PIWIL2: variants seen among roughly 807,000 people sequenced by gnomAD.
PIWIL2 encodes the protein piwi-like protein 2.
In PIWIL2, 81 loss-of-function variants were observed where a neutral mutation model predicts 116.5. That is an observed-to-expected ratio of 0.70 (90% CI 0.58 to 0.84). The LOEUF is 0.84. PIWIL2 is among the 40% of genes least tolerant of loss of function. The pLI, the probability that PIWIL2 is intolerant of heterozygous loss-of-function variation, is 0.00. For missense variants in PIWIL2, 1,272 were observed against 1,212.3 expected (o/e 1.05, Z -0.73); for synonymous variants, 489 against 429.5 (o/e 1.14, Z -1.71).
intron 20 of PIWIL2, among the ~76,000 whole-genome samples, chr8:22,350,689 G>A (rs1832333205): frequency 6.6e-6 from 1 of 152,006 alleles, no homozygotes; most frequent in Non-Finnish European, 1.5e-5. Context: ...AGGCTTCTTA[G>A]GAAAAGGGGT....
At chr8:22,286,188 G>A (rs1251392324) in intron 6 of PIWIL2, among the ~76,000 whole-genome samples, 1 of 151,980 alleles carries the variant, frequency 6.6e-6, no homozygotes, top group African/African-American at 2.4e-5. Flanking sequence ...GCTTGTTGAG[G>A]GTGTTGTGAT....
At chr8:22,332,404 TAAAGA>T (rs1290635826) in intron 20 of PIWIL2, among the ~76,000 whole-genome samples, 1 of 152,050 alleles carries the variant, frequency 6.6e-6, no homozygotes, top group African/African-American at 2.4e-5. Context: ...AGAAGGAGGT[TAAAGA>T]AGGCAGAAAC....
In PIWIL2 at chr8:22,316,226, T is replaced by G; in HGVS notation, c.2209-19T>G. ...GCTCAGGTCTGGGGTTTGGTTTTTG[T>G]TTTTGTTTTCTAAACTAGAAACAGT... On this transcript the variant is annotated intron_variant, in intron 18 of 22. Coordinates refer to ENST00000356766, the MANE Select transcript of PIWIL2 (RefSeq NM_018068.5). 1.3e-6 allele frequency: 2 copies of G among 1,575,344 alleles called. No individual in the cohort carries two copies. Among genetic ancestry groups the G allele is most frequent in the Non-Finnish European group, 1.7e-6 (2 of 1,144,908 alleles).
At chr8:22,337,903 C>T (rs538938066) in intron 20 of PIWIL2, among the ~76,000 whole-genome samples, 2 of 151,892 alleles carry the variant, frequency 1.3e-5, no homozygotes, top group African/African-American at 4.8e-5. Flanking sequence ...AGACCAGCCT[C>T]GCCAACATGG....
intron 20 of PIWIL2, among the ~76,000 whole-genome samples, chr8:22,347,961 C>T (rs1832267963): frequency 6.6e-6 from 1 of 151,942 alleles, no homozygotes; most frequent in African/African-American, 2.4e-5. Context: ...GCGTCTGCCT[C>T]CCCTTTTTAA....
chr8:22,311,574 A>G (rs4266653), intron 16 of PIWIL2, among the ~76,000 whole-genome samples: 84,746 of 152,072 alleles, frequency 0.56, 24,348 homozygotes, highest in East Asian at 0.86. Context: ...TTCATTATCT[A>G]TAGAACATGT....
Position 22,310,018 on chromosome 8 carries a change from A to G in PIWIL2, c.1744A>G (p.Thr582Ala). The G allele has an allele frequency of 6.2e-7, 1 of 1,612,294 alleles. No individual in the cohort carries two copies. The highest frequency in any genetic ancestry group is 8.5e-7 in the Non-Finnish European group (1 of 1,178,312). The change falls in exon 15 of 23, where the codon ACA (threonine) becomes GCA (alanine). Residue 582 changes from threonine to alanine, a missense_variant. Physicochemically the swap from Thr to Ala is moderately conservative, Grantham distance 58. Coordinates refer to ENST00000356766, the MANE Select transcript of PIWIL2 (RefSeq NM_018068.5). ...RINLKNTSFI[T>A]SQELNWVKEV... is the part of the protein sequence containing the mutation. ...TAACTTAAAAAATACTTCGTTTATC[A>G]CATCTCAGGAACTAAACTGGGTTAA...
intron 1 of PIWIL2, among the ~76,000 whole-genome samples, chr8:22,278,379 G>T (rs1830425701): frequency 6.6e-6 from 1 of 152,120 alleles, no homozygotes; most frequent in Non-Finnish European, 1.5e-5. Flanking sequence ...AATTAGCTGG[G>T]TGTTGTGGTG....
intron 5 of PIWIL2, among the ~76,000 whole-genome samples, 169 bp from the exon 6 acceptor site, chr8:22,283,993 C>T (rs1329833040): frequency 6.6e-6 from 1 of 151,752 alleles, no homozygotes. Context: ...TGCCTTCTAG[C>T]CTTCAGAGCT....
At chr8:22,307,102 A>G (rs538337219) in intron 13 of PIWIL2, among the ~76,000 whole-genome samples, 2 of 152,350 alleles carry the variant, frequency 1.3e-5, no homozygotes, top group African/African-American at 4.8e-5. Flanking sequence ...TAGTGTTAGA[A>G]TGAATATGGT....
rs768714840 is a variant in PIWIL2 at position 22,316,317 on chromosome 8, G to A, written c.2281G>A (p.Val761Met). The change falls in exon 19 of 23, where the codon GTG becomes ATG. Residue 761 changes from valine (V) to methionine (M), a missense_variant. Val to Met is a conservative substitution (Grantham distance 21). Transcript: ENST00000356766. ...SRGMRSVVGFVASINLTLTKW... is the reference protein window; with the variant it reads ...SRGMRSVVGFMASINLTLTKW... ...AGGCATGCGCTCCGTGGTTGGCTTC[G>A]TGGCAAGCATCAATCTGTAAGTACT... 9.3e-6 allele frequency: 15 copies of A among 1,608,122 alleles called. No homozygotes were observed. The highest frequency in any genetic ancestry group is 3.3e-5 in the Admixed American group (2 of 59,976).
At chr8:22,328,784 G>A (rs1488064895) in intron 20 of PIWIL2, among the ~76,000 whole-genome samples, 2 of 132,568 alleles carry the variant, frequency 1.5e-5, no homozygotes, top group African/African-American at 5.5e-5. Context: ...CATGTACCCT[G>A]TAACTTTTCT....
chr8:22,296,545 G>C (rs1430537786), intron 10 of PIWIL2, among the ~76,000 whole-genome samples: 1 of 152,234 alleles, frequency 6.6e-6, no homozygotes, highest in Admixed American at 6.5e-5. Context: ...TTGATTGGGT[G>C]TATAACTCTA....
At chr8:22,292,279 GT>G (rs148230809) in intron 10 of PIWIL2, among the ~76,000 whole-genome samples, 9,262 of 152,294 alleles carry the variant, frequency 0.061, 351 homozygotes, top group Admixed American at 0.091. Context: ...AACTTGGACT[GT>G]TGAAAGGATC....
Position 22,353,764 on chromosome 8 carries a change from C to CTTTT in PIWIL2, c.2658-482_2658-479dup, listed in dbSNP as rs760913894. 7.2e-3 allele frequency among the ~76,000 whole-genome samples: 491 copies of CTTTT among 68,346 alleles called. 116 individuals are homozygous for CTTTT. Among genetic ancestry groups the CTTTT allele is most frequent in the African/African-American group, 0.026 (458 of 17,380 alleles). The allele number at this position is 68,346 out of a possible 152,430, so 44.8% of individuals were successfully genotyped here. A position where few individuals can be genotyped will look rare whatever the true frequency, so the allele number is the denominator to read the frequency against. On this transcript the variant is annotated intron_variant, in intron 21 of 22. Coordinates refer to ENST00000356766, the MANE Select transcript of PIWIL2 (RefSeq NM_018068.5). ...CAGGAAGATAAGGGAGTTTCTACCA[C>CTTTT]TTTTTTTTTTTTTTTTTTTTTTTTT... is the stretch of plus-strand genomic sequence containing the variant.
intron 2 of PIWIL2, among the ~76,000 whole-genome samples, chr8:22,280,589 G>C (rs1330749582): frequency 6.6e-6 from 1 of 152,140 alleles, no homozygotes; most frequent in Non-Finnish European, 1.5e-5. Flanking sequence ...TCTATATGTA[G>C]CTTTTATTCA....
At chr8:22,336,225 A>G (rs1166870414) in intron 20 of PIWIL2, among the ~76,000 whole-genome samples, 3 of 152,334 alleles carry the variant, frequency 2.0e-5, no homozygotes, top group East Asian at 3.9e-4. Context: ...ACTCTTCTCC[A>G]TGATAGGCTA....
chr8:22,336,813 G>A (rs1259284839), intron 20 of PIWIL2, among the ~76,000 whole-genome samples: 2 of 152,082 alleles, frequency 1.3e-5, no homozygotes, highest in Non-Finnish European at 2.9e-5. Context: ...AATCAATGAA[G>A]CCAAAAGTTG....
rs377002115 is a variant in PIWIL2, at chr8:22,288,522, T to C, written c.862-20T>C. On this transcript the variant is annotated intron_variant, in intron 7 of 22. Transcript: ENST00000356766. ...CTTAGTTTTGTCATTTTGTTTCACC[T>C]GTGTGTATTTATTTGTTAGGTTCTT... The C allele has an allele frequency of 6.2e-7, 1 of 1,604,316 alleles. No homozygotes were observed. Among genetic ancestry groups the C allele is most frequent in the African/African-American group, 1.3e-5 (1 of 74,762 alleles).
Sources: allele counts gnomAD v4.1 joint callset (sites outside exome capture counted in the v4.1 genomes callset), GRCh38; gene constraint gnomAD v4.1.1; transcripts MANE v1.5; gene names NCBI Gene and HGNC (gene_info 2026-07-23, HGNC 2026-07-21).